Variants in ACTR3C observed in about 807,000 individuals in gnomAD.
The protein encoded by ACTR3C is actin related protein 3C, also known as actin-related protein 3C.
In ACTR3C, 18 loss-of-function variants were observed where a neutral mutation model predicts 26.3. The observed-to-expected ratio is 0.68, with a 90% CI of 0.47 to 1.01. The LOEUF is 1.01. ACTR3C is among the 50% of genes least tolerant of loss of function. The probability of loss-of-function intolerance (pLI) is 0.00; values close to 1 mark genes in which losing one functional copy is unlikely to be tolerated. For missense variants in ACTR3C, 184 were observed against 250.7 expected (o/e 0.73, Z 1.80); for synonymous variants, 55 against 94.5 (o/e 0.58, Z 2.42).
At chr7:150,058,353 A>G in the ACTR3C span, among the ~76,000 whole-genome samples, 1 of 152,080 alleles carries the variant, frequency 6.6e-6, no homozygotes, top group Admixed American at 6.5e-5. Flanking sequence ...CCAACCTTTC[A>G]TTGGTTGCCC....
the ACTR3C span, among the ~76,000 whole-genome samples, chr7:149,936,638 ATACATGATACTTGAC>A: frequency 1.3e-5 from 2 of 152,214 alleles, no homozygotes; most frequent in East Asian, 3.8e-4. Context: ...GGCTCCATTT[ATACATGATACTTGAC>A]TATTGATTCA....
the ACTR3C span, among the ~76,000 whole-genome samples, chr7:150,151,537 G>C: frequency 7.3e-6 from 1 of 136,578 alleles, no homozygotes; most frequent in Non-Finnish European, 1.6e-5. Flanking sequence ...GAGTGTTGAT[G>C]ACCAGATCTC....
the ACTR3C span, among the ~76,000 whole-genome samples, chr7:150,157,877 T>A: frequency 6.6e-6 from 1 of 152,100 alleles, no homozygotes; most frequent in Non-Finnish European, 1.5e-5. Flanking sequence ...TGAGCAGACA[T>A]GATGTAGAAC....
chr7:150,317,383 T>G (rs2129617207), intron 1 of ACTR3C, among the ~76,000 whole-genome samples: 1 of 152,326 alleles, frequency 6.6e-6, no homozygotes, highest in Admixed American at 6.5e-5. Flanking sequence ...GGTGGTTGTT[T>G]GCATAGATGG....
At chr7:150,112,714 T>G in the ACTR3C span, among the ~76,000 whole-genome samples, 1 of 152,120 alleles carries the variant, frequency 6.6e-6, no homozygotes, top group Non-Finnish European at 1.5e-5. Context: ...GGCAATCCCA[T>G]CCCCTCTGGA....
At chr7:149,958,747 C>T in the ACTR3C span, among the ~76,000 whole-genome samples, 1 of 152,176 alleles carries the variant, frequency 6.6e-6, no homozygotes, top group Non-Finnish European at 1.5e-5. Context: ...ATGAAGCAGT[C>T]AAGTCCACAT....
chr7:150,314,968 A>ATAAATAGTATTATTTTTAATAATATTAT (rs1796704114), intron 1 of ACTR3C, among the ~76,000 whole-genome samples: 9 of 147,848 alleles, frequency 6.1e-5, no homozygotes, highest in Non-Finnish European at 1.5e-5. Context: ...ATAATAAATA[A>ATAAATAGTATTATTTTTAATAATATTAT]TAAATAGTAT....
the ACTR3C span, among the ~76,000 whole-genome samples, chr7:150,224,317 C>A: frequency 2.0e-5 from 3 of 152,340 alleles, no homozygotes; most frequent in East Asian, 3.9e-4. Flanking sequence ...GTGAAATACA[C>A]TCTCTTTCTT....
chr7:149,912,014 A>G, the ACTR3C span, among the ~76,000 whole-genome samples: 1 of 151,594 alleles, frequency 6.6e-6, no homozygotes, highest in African/African-American at 2.4e-5. Flanking sequence ...TGTCTCGAAA[A>G]AAAAAAAAAA....
the ACTR3C span, among the ~76,000 whole-genome samples, chr7:150,154,699 G>A: frequency 7.4e-4 from 113 of 152,100 alleles, 1 homozygote; most frequent in East Asian, 0.017. Flanking sequence ...TCAGAGCTTA[G>A]CATTTACATG....
At chr7:150,010,063 C>T in the ACTR3C span, among the ~76,000 whole-genome samples, 2 of 152,260 alleles carry the variant, frequency 1.3e-5, no homozygotes, top group Admixed American at 1.3e-4. Context: ...GGTGCTGACA[C>T]CTGCTCGGCT....
chr7:149,930,782 A>C, the ACTR3C span, among the ~76,000 whole-genome samples: 11 of 152,120 alleles, frequency 7.2e-5, no homozygotes, highest in African/African-American at 1.9e-4. Flanking sequence ...CACATACTTA[A>C]AATTTTTGTA....
chr7:150,166,562 G>C, the ACTR3C span, among the ~76,000 whole-genome samples: 1 of 150,594 alleles, frequency 6.6e-6, no homozygotes, highest in African/African-American at 2.5e-5. Flanking sequence ...AGCCTGGCAC[G>C]GTGGTGCATG....
chr7:150,054,394 T>C, the ACTR3C span, among the ~76,000 whole-genome samples: 3 of 152,234 alleles, frequency 2.0e-5, no homozygotes, highest in Non-Finnish European at 4.4e-5. Flanking sequence ...TAATGGGATG[T>C]GCGTGGACAT....
chr7:149,986,143 C>T, the ACTR3C span, among the ~76,000 whole-genome samples: 13 of 151,866 alleles, frequency 8.6e-5, no homozygotes, highest in African/African-American at 1.7e-4. Context: ...GGAGAACTCC[C>T]GACCCATTTC....
At chr7:150,172,500 G>A in the ACTR3C span, among the ~76,000 whole-genome samples, 1 of 150,492 alleles carries the variant, frequency 6.6e-6, no homozygotes, top group Non-Finnish European at 1.5e-5. Flanking sequence ...ACAACATATG[G>A]AAATTCTGAG....
At chr7:150,106,299 A>G in the ACTR3C span, among the ~76,000 whole-genome samples, 1 of 150,440 alleles carries the variant, frequency 6.6e-6, no homozygotes, top group Admixed American at 6.6e-5. Flanking sequence ...GGTAACTTTA[A>G]ATCTAGTGCA....
chr7:150,034,795 C>T, the ACTR3C span, among the ~76,000 whole-genome samples: 9 of 150,734 alleles, frequency 6.0e-5, no homozygotes, highest in Admixed American at 1.3e-4. Context: ...GAGGGTCTGG[C>T]TCTCAGTCCC....
chr7:150,013,565 A>C, the ACTR3C span, among the ~76,000 whole-genome samples: 1 of 152,236 alleles, frequency 6.6e-6, no homozygotes, highest in Non-Finnish European at 1.5e-5. Flanking sequence ...CACTGCATGG[A>C]ACCTGGGATT....
Sources: allele counts gnomAD v4.1 joint callset (sites outside exome capture counted in the v4.1 genomes callset), GRCh38; gene constraint gnomAD v4.1.1; transcripts MANE v1.5; gene names NCBI Gene and HGNC (gene_info 2026-07-23, HGNC 2026-07-21).